Variants in PCDH11X observed in about 807,000 individuals in gnomAD.
The protein encoded by PCDH11X is protocadherin 11 X-linked, also known as protocadherin-11 X-linked.
In PCDH11X, 18 loss-of-function variants were observed where a neutral mutation model predicts 53.3. The ratio of observed to expected loss-of-function variants is 0.34; its 90% CI spans 0.23 to 0.50. The LOEUF is 0.50. Among genes scored for constraint, PCDH11X ranks in the 20% least tolerant of loss-of-function variants. PCDH11X has a pLI of 0.98. For synonymous variants in PCDH11X, 279 were observed against 393.3 expected (o/e 0.71, Z 3.44); for missense variants, 570 against 1,032.4 (o/e 0.55, Z 6.14).
chrX:92,416,194 A>G (rs1603305529), intron 9 of PCDH11X, among the ~76,000 whole-genome samples: 1 of 110,859 alleles, frequency 9.0e-6, no homozygotes, highest in East Asian at 2.8e-4. Flanking sequence ...GGGGTGATTG[A>G]GGAGGTGGGA....
At chrX:92,345,676 C>A (rs1401260534) in intron 8 of PCDH11X, among the ~76,000 whole-genome samples, 1 of 111,057 alleles carries the variant, frequency 9.0e-6, no homozygotes, top group Non-Finnish European at 1.9e-5. Context: ...AAAATAAGTT[C>A]ATTGTCTTGA....
chrX:92,429,650 G>A (rs1367027407), intron 9 of PCDH11X, among the ~76,000 whole-genome samples: 3 of 106,036 alleles, frequency 2.8e-5, no homozygotes, highest in Non-Finnish European at 5.8e-5. Flanking sequence ...GCTCCTATGG[G>A]GGATGTATAT....
intron 9 of PCDH11X, among the ~76,000 whole-genome samples, chrX:92,415,298 A>G (rs1489315863): frequency 9.0e-6 from 1 of 111,553 alleles, no homozygotes; most frequent in East Asian, 2.8e-4. Context: ...GAGGTGGTTA[A>G]CCATATATGG....
intron 4 of PCDH11X, among the ~76,000 whole-genome samples, chrX:91,814,875 TTAGA>T (rs1936405564): frequency 9.5e-6 from 1 of 105,643 alleles, no homozygotes; most frequent in Non-Finnish European, 1.9e-5. Context: ...TCCCACAGGA[TTAGA>T]CTTGTCTTTG....
At chrX:91,903,075 T>A (rs1460905466) in intron 6 of PCDH11X, among the ~76,000 whole-genome samples, 1 of 111,548 alleles carries the variant, frequency 9.0e-6, no homozygotes, top group Admixed American at 9.6e-5. Flanking sequence ...TCTTGCTATA[T>A]GTCACACAAA....
chrX:92,538,244 A>T (rs1479520161), intron 10 of PCDH11X, among the ~76,000 whole-genome samples: 1 of 103,988 alleles, frequency 9.6e-6, no homozygotes, highest in Non-Finnish European at 2.0e-5. Flanking sequence ...CTTTATTTTC[A>T]ATCTGTGTGT....
intron 7 of PCDH11X, among the ~76,000 whole-genome samples, chrX:92,240,404 ATC>A (rs1267542776): frequency 3.6e-5 from 4 of 111,547 alleles, no homozygotes; most frequent in Non-Finnish European, 5.6e-5. Context: ...AGCTGGAGAA[ATC>A]TCTCTGCTTT....
At chrX:92,084,996 A>C (rs958875416) in intron 6 of PCDH11X, among the ~76,000 whole-genome samples, 6 of 110,650 alleles carry the variant, frequency 5.4e-5, no homozygotes, top group Admixed American at 4.9e-4. Flanking sequence ...CTTTAGAGAA[A>C]TTAAATTTAG....
intron 9 of PCDH11X, among the ~76,000 whole-genome samples, chrX:92,462,116 A>G (rs1332947713): frequency 8.9e-6 from 1 of 111,804 alleles, no homozygotes; most frequent in East Asian, 2.8e-4. Flanking sequence ...TATTCTAAAA[A>G]ACTTCAATTA....
chrX:91,893,564 T>C (rs1025231040), intron 6 of PCDH11X, among the ~76,000 whole-genome samples: 32 of 110,030 alleles, frequency 2.9e-4, no homozygotes, highest in African/African-American at 1.0e-3. Flanking sequence ...TGGTGAATAA[T>C]CACAAATCTA....
At chrX:92,590,225 A>C (rs1924887372) in intron 10 of PCDH11X, among the ~76,000 whole-genome samples, 1 of 110,520 alleles carries the variant, frequency 9.0e-6, no homozygotes, top group African/African-American at 3.3e-5. Context: ...GCTTTGGATG[A>C]GATGATTTGA....
intron 7 of PCDH11X, among the ~76,000 whole-genome samples, chrX:92,236,056 A>G (rs1271917200): frequency 8.9e-6 from 1 of 111,780 alleles, no homozygotes; most frequent in African/African-American, 3.2e-5. Flanking sequence ...AAATGCTAAC[A>G]GTCTGTATTA....
At chrX:92,151,733 T>C (rs1323237715) in intron 6 of PCDH11X, among the ~76,000 whole-genome samples, 2 of 111,590 alleles carry the variant, frequency 1.8e-5, no homozygotes, top group African/African-American at 6.5e-5. Context: ...TGTTTGTAGA[T>C]ATGACCAAAT....
At chrX:92,107,723 TTTGA>T (rs1251331620) in intron 6 of PCDH11X, among the ~76,000 whole-genome samples, 1 of 111,978 alleles carries the variant, frequency 8.9e-6, no homozygotes, top group Non-Finnish European at 1.9e-5. Flanking sequence ...CTTAAATGTA[TTTGA>T]TTGATGTCTC....
intron 8 of PCDH11X, among the ~76,000 whole-genome samples, chrX:92,277,566 T>A (rs761385272): frequency 1.9e-5 from 2 of 105,590 alleles, no homozygotes; most frequent in African/African-American, 6.9e-5. Flanking sequence ...AGGGAAGGGG[T>A]TTGGGGGTTC....
At chrX:92,007,334 T>A (rs1354822472) in intron 6 of PCDH11X, among the ~76,000 whole-genome samples, 1 of 111,579 alleles carries the variant, frequency 9.0e-6, no homozygotes, top group Non-Finnish European at 1.9e-5. Context: ...ACACAGTTCT[T>A]CCCACTCTTC....
intron 7 of PCDH11X, among the ~76,000 whole-genome samples, chrX:92,203,441 G>C (rs1477267836): frequency 8.9e-6 from 1 of 112,352 alleles, no homozygotes; most frequent in African/African-American, 3.2e-5. Context: ...ATATTATAAA[G>C]GTAAATCCCA....
intron 10 of PCDH11X, among the ~76,000 whole-genome samples, chrX:92,548,741 T>A (rs1044724135): frequency 2.2e-4 from 24 of 110,253 alleles, no homozygotes; most frequent in African/African-American, 7.6e-4. Context: ...CTACTTAAAA[T>A]GTTTGCTCAT....
At chrX:92,210,975 T>A (rs1160933310) in intron 7 of PCDH11X, among the ~76,000 whole-genome samples, 2 of 111,719 alleles carry the variant, frequency 1.8e-5, no homozygotes, top group African/African-American at 6.5e-5. Context: ...CTTCCTGTCT[T>A]CTTCCGAGCC....
Sources: gnomAD v4.1 joint callset for allele counts (sites outside exome capture counted in the v4.1 genomes callset) on GRCh38, gnomAD v4.1.1 for gene constraint, MANE v1.5 for transcripts, NCBI Gene and HGNC (gene_info 2026-07-23, HGNC 2026-07-21) for gene names.